The following CADM3 variants were observed in gnomAD, a reference collection of about 807,000 sequenced individuals.
CADM3 encodes TSLC1-like 1.
A neutral mutation model predicts 44.9 loss-of-function variants in CADM3; 11 were observed. The observed-to-expected ratio is 0.25, with a 90% confidence interval of 0.15 to 0.41. The LOEUF (loss-of-function observed/expected upper bound fraction) is 0.41, where lower values mean the gene tolerates loss of function less well. CADM3 is among the 10% of genes least tolerant of loss of function. The pLI is 1.00. For missense variants in CADM3, 426 were observed against 512.0 expected, an observed-to-expected ratio of 0.83 and a Z score of 1.62; for synonymous variants, 207 against 205.2, an observed-to-expected ratio of 1.01 and a Z score of -0.08.
At chr1:159,184,374 G>A (rs1262729140) in intron 1 of CADM3, among the ~76,000 whole-genome samples, 4 of 152,188 alleles carry the variant, frequency 2.6e-5, no homozygotes, top group Non-Finnish European at 5.9e-5. Context: ...TAGTCGTGAG[G>A]AATAACAAGT....
chr1:159,188,551 A>G (rs1571015442), intron 1 of CADM3, among the ~76,000 whole-genome samples: 1 of 151,976 alleles, frequency 6.6e-6, no homozygotes, highest in Admixed American at 6.5e-5. Flanking sequence ...CGACTGGCGA[A>G]GTTCACCCGG....
intron 8 of CADM3, 43 bp downstream of exon 8, chr1:159,199,919 AG>A: frequency 6.2e-7 from 1 of 1,603,214 alleles, no homozygotes; most frequent in Non-Finnish European, 8.5e-7. Context: ...TGGGAGGGGC[AG>A]GGAGACCAAT....
intron 8 of CADM3, 125 bp downstream of exon 8, chr1:159,200,001 T>G: frequency 7.8e-7 from 1 of 1,279,642 alleles, no homozygotes; most frequent in Non-Finnish European, 1.1e-6. Flanking sequence ...TTGGAGTGTT[T>G]AGGGAATTAA....
chr1:159,199,888 A>G lies in CADM3; in HGVS notation c.1078+12A>G. On this transcript the variant is annotated intron_variant, in intron 8 of 8. Coordinates refer to ENST00000368125, the MANE Select transcript of CADM3 (RefSeq NM_001127173.3). ...GATCCGGCACAAAGGTCAGAGGCAC[A>G]AAGAGAGCATCAGCAGAACTTGGGA... 3.1e-6 allele frequency: 5 copies of G among 1,613,318 alleles called. No homozygotes were observed. Among genetic ancestry groups the G allele is most frequent in the Non-Finnish European group, 4.2e-6 (5 of 1,179,662 alleles).
At chr1:159,174,866 C>T (rs1648960482) in intron 1 of CADM3, among the ~76,000 whole-genome samples, 1 of 152,222 alleles carries the variant, frequency 6.6e-6, no homozygotes, top group Non-Finnish European at 1.5e-5. Context: ...CTTTCTTGGG[C>T]TCTTCCTTCT....
intron 8 of CADM3, among the ~76,000 whole-genome samples, chr1:159,200,114 T>C (rs576811399): frequency 6.6e-6 from 1 of 152,216 alleles, no homozygotes; most frequent in African/African-American, 2.4e-5. Context: ...AAATCAAACC[T>C]TCCCACTCAG....
At chr1:159,173,374 G>A (rs1031509142) in intron 1 of CADM3, among the ~76,000 whole-genome samples, 10 of 152,142 alleles carry the variant, frequency 6.6e-5, no homozygotes, top group Non-Finnish European at 1.3e-4. Flanking sequence ...TCGTGATAAA[G>A]GAGCTTCCCC....
chr1:159,197,815 C>T (rs1649969519), intron 7 of CADM3: 3 of 152,308 alleles, frequency 2.0e-5, no homozygotes, highest in Admixed American at 6.5e-5. Flanking sequence ...TTACTTGAGA[C>T]ACTCATTAAA....
rs1221241773 is a variant in CADM3, at chr1:159,171,938, T to A, written c.88+85T>A. On this transcript the variant is annotated intron_variant, in intron 1 of 8. Coordinates refer to ENST00000368125, the MANE Select transcript of CADM3 (RefSeq NM_001127173.3). ...GATCGGGAGTCTCGCGGAAGGAGCCTGTTGGCTTTGTTTGGAACCGGGGTT... is the reference window on the plus strand; with the variant it reads ...GATCGGGAGTCTCGCGGAAGGAGCCAGTTGGCTTTGTTTGGAACCGGGGTT... The A allele has an allele frequency of 5.4e-6, 5 of 917,738 alleles. No homozygotes were observed. The African/African-American group carries it at 6.9e-5, about 13-fold the overall frequency. The allele number at this position is 917,738 out of a possible 1,614,324, so 56.8% of individuals were successfully genotyped here.
chr1:159,180,680 A>G (rs538366872), intron 1 of CADM3, among the ~76,000 whole-genome samples: 57 of 152,028 alleles, frequency 3.7e-4, no homozygotes, highest in Non-Finnish European at 1.6e-4. Context: ...AGAGCAGAAC[A>G]CATTTTTCTT....
chr1:159,183,560 A>T (rs1649311720), intron 1 of CADM3, among the ~76,000 whole-genome samples: 1 of 152,182 alleles, frequency 6.6e-6, no homozygotes, highest in African/African-American at 2.4e-5. Context: ...CTGAGCTCTG[A>T]AGTTCCAAAG....
intron 1 of CADM3, among the ~76,000 whole-genome samples, chr1:159,174,772 A>G (rs1016603951): frequency 2.6e-5 from 4 of 152,074 alleles, no homozygotes; most frequent in African/African-American, 9.7e-5. Context: ...GTGGTTGACA[A>G]TTCTGGGTTT....
rs1200713871 is a variant in CADM3, at chr1:159,201,116, G to C, written c.*194G>C. 6.2e-6 allele frequency: 2 copies of C among 323,676 alleles called. No individual in the cohort carries two copies. The highest frequency in any genetic ancestry group is 4.3e-5 in the African/African-American group (2 of 46,640). 20.1% of individuals were successfully genotyped at this position (323,676 alleles called of 1,614,324 possible). A position where few individuals can be genotyped will look rare whatever the true frequency, so the allele number is the denominator to read the frequency against. On this transcript the variant is annotated 3_prime_UTR_variant, in exon 9 of 9. Coordinates refer to ENST00000368125, the MANE Select transcript of CADM3 (RefSeq NM_001127173.3). ...TTTGGAATGGGGAGGGAGGAGGGCG[G>C]GGGGAGGGGAGGGTTGCCCTCAGCC...
chr1:159,180,451 A>C (rs1303377146), intron 1 of CADM3, among the ~76,000 whole-genome samples: 1 of 152,212 alleles, frequency 6.6e-6, no homozygotes, highest in Non-Finnish European at 1.5e-5. Context: ...ATGTCAGAAC[A>C]ATATTATTTT....
At chr1:159,181,446 G>A (rs1481870511) in intron 1 of CADM3, among the ~76,000 whole-genome samples, 1 of 152,144 alleles carries the variant, frequency 6.6e-6, no homozygotes, top group Non-Finnish European at 1.5e-5. Context: ...CCTGTCTTCA[G>A]GGGCCTACTC....
chr1:159,180,075 G>A (rs1649171410), intron 1 of CADM3, among the ~76,000 whole-genome samples: 1 of 152,138 alleles, frequency 6.6e-6, no homozygotes, highest in South Asian at 2.1e-4. Flanking sequence ...CAGATGGACT[G>A]AGCCTCAACC....
At chr1:159,179,398 A>T (rs1225365327) in intron 1 of CADM3, among the ~76,000 whole-genome samples, 1 of 152,146 alleles carries the variant, frequency 6.6e-6, no homozygotes, top group Non-Finnish European at 1.5e-5. Flanking sequence ...AATTATAAGC[A>T]CCTTTGGCTC....
At position 159,196,467 on chromosome 1, in the gene CADM3, A is replaced by G. The variant is rs774872813; in HGVS notation, c.782+13A>G. 1 of 1,609,494 alleles carries G rather than the reference A, an allele frequency of 6.2e-7. No individual in the cohort carries two copies. The highest frequency in any genetic ancestry group is 8.5e-7 in the Non-Finnish European group (1 of 1,176,332). ...GCGGCAATCCAGTGTAAGAAGATCC[A>G]TTTCCTGGTCTCCTCCTTACTCTCC... On this transcript the variant is annotated intron_variant, in intron 6 of 8. Coordinates refer to ENST00000368125, the MANE Select transcript of CADM3 (RefSeq NM_001127173.3).
intron 1 of CADM3, among the ~76,000 whole-genome samples, chr1:159,185,284 G>T (rs1649375784): frequency 6.6e-6 from 1 of 152,184 alleles, no homozygotes; most frequent in Admixed American, 6.5e-5. Flanking sequence ...TTTCCAATTT[G>T]CTATACTGTC....
Sources: gnomAD v4.1 joint callset for allele counts (sites outside exome capture counted in the v4.1 genomes callset) on GRCh38, gnomAD v4.1.1 for gene constraint, MANE v1.5 for transcripts, NCBI Gene and HGNC (gene_info 2026-07-23, HGNC 2026-07-21) for gene names.